The following SPOCK3 variants were observed in gnomAD, a reference collection of about 807,000 sequenced individuals.
The protein encoded by SPOCK3 is testican-3.
In SPOCK3, 30 loss-of-function variants were observed where a neutral mutation model predicts 56.6. That is an observed-to-expected ratio of 0.53 (90% CI 0.40 to 0.72). The LOEUF (loss-of-function observed/expected upper bound fraction) is 0.72, where lower values mean the gene tolerates loss of function less well. SPOCK3 is among the 30% of genes least tolerant of loss of function. The pLI is 0.00. For synonymous variants in SPOCK3, 196 were observed against 183.3 expected (o/e 1.07, Z -0.56); for missense variants, 527 against 530.0 (o/e 0.99, Z 0.06).
intron 4 of SPOCK3, among the ~76,000 whole-genome samples, chr4:166,988,872 T>C (rs1162468594): frequency 6.6e-6 from 1 of 152,140 alleles, no homozygotes; most frequent in Non-Finnish European, 1.5e-5. Flanking sequence ...CAGGTATTGT[T>C]ATTTCTATGA....
intron 3 of SPOCK3, among the ~76,000 whole-genome samples, chr4:167,013,412 T>A (rs1750286519): frequency 6.6e-6 from 1 of 151,714 alleles, no homozygotes; most frequent in South Asian, 2.1e-4. Context: ...TCTTCTAAAT[T>A]TCTTAATAAA....
chr4:166,743,943 CA>C (rs1735216435), intron 8 of SPOCK3, among the ~76,000 whole-genome samples: 1 of 152,186 alleles, frequency 6.6e-6, no homozygotes, highest in African/African-American at 2.4e-5. Context: ...ACTAGGTAAA[CA>C]AAGCAGCCAG....
chr4:167,232,477 T>C (rs1244493191), intron 2 of SPOCK3, among the ~76,000 whole-genome samples: 1 of 152,172 alleles, frequency 6.6e-6, no homozygotes, highest in Non-Finnish European at 1.5e-5. Context: ...CATTAAATAA[T>C]GAAATGTCAT....
intron 2 of SPOCK3, among the ~76,000 whole-genome samples, chr4:167,221,307 G>T (rs1423954590): frequency 2.0e-5 from 3 of 152,090 alleles, no homozygotes; most frequent in African/African-American, 7.2e-5. Context: ...GTTTCCCGCT[G>T]CAGTGAGCTA....
intron 4 of SPOCK3, among the ~76,000 whole-genome samples, chr4:166,946,535 G>T (rs1561040232): frequency 6.6e-6 from 1 of 152,128 alleles, no homozygotes; most frequent in Non-Finnish European, 1.5e-5. Flanking sequence ...TTCCCAGACA[G>T]CCAATCGATT....
intron 2 of SPOCK3, among the ~76,000 whole-genome samples, chr4:167,158,633 T>C (rs1006279882): frequency 1.1e-4 from 17 of 152,000 alleles, no homozygotes; most frequent in Non-Finnish European, 2.1e-4. Flanking sequence ...TGATGTGTAA[T>C]AGTTATTAGT....
chr4:166,739,720 G>A (rs1179051294), intron 9 of SPOCK3, among the ~76,000 whole-genome samples: 1 of 143,970 alleles, frequency 6.9e-6, no homozygotes, highest in African/African-American at 2.6e-5. Flanking sequence ...TTTTTTCTGT[G>A]ACCAGAAGCA....
intron 4 of SPOCK3, among the ~76,000 whole-genome samples, chr4:166,968,777 C>T (rs1745037968): frequency 6.6e-6 from 1 of 152,200 alleles, no homozygotes; most frequent in Non-Finnish European, 1.5e-5. Flanking sequence ...CCCACTGGGA[C>T]AGTGCCTAGC....
intron 8 of SPOCK3, among the ~76,000 whole-genome samples, chr4:166,745,210 A>C (rs949673594): frequency 2.0e-5 from 3 of 152,204 alleles, no homozygotes; most frequent in African/African-American, 4.8e-5. Flanking sequence ...GTGGAAATGA[A>C]GGAAAAAATG....
chr4:166,958,267 T>C (rs1401002849), intron 4 of SPOCK3, among the ~76,000 whole-genome samples: 1 of 152,198 alleles, frequency 6.6e-6, no homozygotes, highest in African/African-American at 2.4e-5. Context: ...GTGATGAGCC[T>C]GCTCCCCCTC....
intron 2 of SPOCK3, among the ~76,000 whole-genome samples, chr4:167,152,348 C>T (rs1219081663): frequency 6.6e-6 from 1 of 152,120 alleles, no homozygotes; most frequent in Non-Finnish European, 1.5e-5. Flanking sequence ...ATGAAGAGAG[C>T]CGCAAAATGA....
intron 2 of SPOCK3, among the ~76,000 whole-genome samples, chr4:167,219,940 AC>A (rs1168943095): frequency 7.9e-5 from 12 of 152,172 alleles, no homozygotes; most frequent in Admixed American, 5.2e-4. Flanking sequence ...TATGTAGACA[AC>A]AAAATATTCT....
intron 3 of SPOCK3, among the ~76,000 whole-genome samples, chr4:167,035,482 G>C (rs539917058): frequency 6.6e-6 from 1 of 152,122 alleles, no homozygotes; most frequent in East Asian, 1.9e-4. Flanking sequence ...GTCCCTACAG[G>C]ACCTACCTTT....
At chr4:167,046,547 C>T (rs1442913235) in intron 3 of SPOCK3, among the ~76,000 whole-genome samples, 11 of 148,812 alleles carry the variant, frequency 7.4e-5, no homozygotes, top group African/African-American at 9.9e-5. Flanking sequence ...CCTCTGCCAC[C>T]GGGGTTCAAG....
intron 7 of SPOCK3, among the ~76,000 whole-genome samples, chr4:166,765,565 T>C (rs1468856011): frequency 2.0e-5 from 3 of 152,240 alleles, no homozygotes; most frequent in African/African-American, 7.2e-5. Context: ...TTGGTACCAG[T>C]ACCATGCTGT....
intron 2 of SPOCK3, among the ~76,000 whole-genome samples, chr4:167,085,486 A>G (rs1284441921): frequency 6.6e-6 from 1 of 152,154 alleles, no homozygotes. Context: ...TTGGAATCAA[A>G]CAATACTCAT....
chr4:167,152,207 T>C (rs1195938564), intron 2 of SPOCK3, among the ~76,000 whole-genome samples: 1 of 152,176 alleles, frequency 6.6e-6, no homozygotes, highest in East Asian at 1.9e-4. Context: ...CCATACATAA[T>C]TTTACAACTT....
At chr4:167,002,898 C>A (rs1341133302) in intron 3 of SPOCK3, among the ~76,000 whole-genome samples, 1 of 152,148 alleles carries the variant, frequency 6.6e-6, no homozygotes, top group Non-Finnish European at 1.5e-5. Flanking sequence ...TTCTGCCTAA[C>A]AATTAAATAA....
intron 3 of SPOCK3, among the ~76,000 whole-genome samples, chr4:167,031,747 A>C (rs150638159): frequency 6.6e-6 from 1 of 152,146 alleles, no homozygotes; most frequent in Non-Finnish European, 1.5e-5. Context: ...CTCTCTGTTG[A>C]AACTCCTTTC....
Sources: allele counts gnomAD v4.1 joint callset (sites outside exome capture counted in the v4.1 genomes callset), GRCh38; gene constraint gnomAD v4.1.1; transcripts MANE v1.5; gene names NCBI Gene and HGNC (gene_info 2026-07-23, HGNC 2026-07-21).